The following ADH7 variants were observed in gnomAD, a reference collection of about 807,000 sequenced individuals.
The protein encoded by ADH7 is alcohol dehydrogenase 7 (class IV), mu or sigma polypeptide.
ADH7 carries 41 observed loss-of-function variants against 34.4 expected under a neutral mutation model. The ratio of observed to expected loss-of-function variants is 1.19; its 90% CI spans 0.93 to 1.55. The LOEUF (loss-of-function observed/expected upper bound fraction) is 1.55. Among genes scored for constraint, ADH7 ranks in the 40% most tolerant of loss-of-function variants. The probability of loss-of-function intolerance (pLI) is 0.00; values close to 1 mark genes in which losing one functional copy is unlikely to be tolerated. For synonymous variants in ADH7, 180 were observed against 160.9 expected (o/e 1.12, Z -0.90); for missense variants, 540 against 461.2 (o/e 1.17, Z -1.56).
chr4:99,414,429 T>C (rs284785), intron 8 of ADH7, among the ~76,000 whole-genome samples: 53,696 of 151,986 alleles, frequency 0.35, 10,314 homozygotes, highest in East Asian at 0.59. Flanking sequence ...ATAGGCCCAA[T>C]GAGTGAAAGT....
At chr4:99,425,625 C>T (rs1287593723) in intron 5 of ADH7, among the ~76,000 whole-genome samples, 1 of 150,836 alleles carries the variant, frequency 6.6e-6, no homozygotes, top group Non-Finnish European at 1.5e-5. Flanking sequence ...ACTTTAACAC[C>T]CCACTGTCAA....
chr4:99,421,075 C>G (rs1721647681), intron 5 of ADH7, among the ~76,000 whole-genome samples: 2 of 152,034 alleles, frequency 1.3e-5, no homozygotes. Context: ...CCATACTGCC[C>G]AAAGTAATTT....
chr4:99,422,635 A>C (rs1472106288), intron 5 of ADH7, among the ~76,000 whole-genome samples: 1 of 152,172 alleles, frequency 6.6e-6, no homozygotes, highest in Non-Finnish European at 1.5e-5. Flanking sequence ...AGAAGAAATA[A>C]AAAATCATAA....
chr4:99,434,090 T>C (rs189732618), intron 1 of ADH7, among the ~76,000 whole-genome samples: 17 of 152,250 alleles, frequency 1.1e-4, no homozygotes, highest in African/African-American at 3.8e-4. Flanking sequence ...GTATTATTAA[T>C]TGGAAAGTGC....
chr4:99,417,621 A>C (rs1020486284), intron 7 of ADH7, among the ~76,000 whole-genome samples: 11 of 152,120 alleles, frequency 7.2e-5, no homozygotes, highest in African/African-American at 1.4e-4. Flanking sequence ...CAGTCTCTCT[A>C]TACCAAAGTG....
In ADH7 at chr4:99,428,127, C is replaced by A. The variant is rs146573239; in HGVS notation, c.307G>T (p.Ala103Ser). ...AGGTTGCCATCTGGGTTGCGACAAG[C>A]ATTGCATTCTCTACATTGTGGCAGA... ...LFLPQCRECNACRNPDGNLCI... is the reference protein window; with the variant it reads ...LFLPQCRECNSCRNPDGNLCI... The change falls in exon 4 of 9, where the codon GCT becomes TCT. Residue 103 changes from alanine to serine, a missense_variant. Transcript: ENST00000437033. 3.1e-4 allele frequency: 508 copies of A among 1,613,884 alleles called. No individual in the cohort carries two copies. Among genetic ancestry groups the A allele is most frequent in the Non-Finnish European group, 3.9e-4 (460 of 1,179,928 alleles).
rs747703203 is a variant in ADH7 at position 99,415,382 on chromosome 4, A to C, written c.1100+96T>G. ...ATCAATCTGGCTAGATTAAATAATTAGAAATAAAATATGAAGAAAACAGGC... is the reference window on the plus strand; with the variant it reads ...ATCAATCTGGCTAGATTAAATAATTCGAAATAAAATATGAAGAAAACAGGC... On this transcript the variant is annotated intron_variant, in intron 8 of 8. Coordinates refer to ENST00000437033, the MANE Select transcript of ADH7 (RefSeq NM_000673.7). 5 of 1,277,980 alleles carry C rather than the reference A, an allele frequency of 3.9e-6. No homozygotes were observed. In the African/African-American group the frequency reaches 7.5e-5, roughly 19 times the overall value. 79.2% of individuals were successfully genotyped at this position (1,277,980 alleles called of 1,614,324 possible). A position where few individuals can be genotyped will look rare whatever the true frequency, so the allele number is the denominator to read the frequency against.
chr4:99,421,576 A>G (rs1296541338), intron 5 of ADH7, among the ~76,000 whole-genome samples: 1 of 152,236 alleles, frequency 6.6e-6, no homozygotes, highest in Non-Finnish European at 1.5e-5. Flanking sequence ...AATACCATTC[A>G]GAACTTAGAC....
chr4:99,422,837 TA>T (rs1721698372), intron 5 of ADH7, among the ~76,000 whole-genome samples: 1 of 136,864 alleles, frequency 7.3e-6, no homozygotes, highest in South Asian at 2.3e-4. Context: ...AGACCTATTT[TA>T]TTTTTTTTTC....
intron 6 of ADH7, 71 bp from the exon 7 acceptor site, chr4:99,419,192 C>T (rs952465334): frequency 2.7e-6 from 4 of 1,482,374 alleles, no homozygotes; most frequent in Non-Finnish European, 3.6e-6. Context: ...CTGAAATGAC[C>T]TATGTACTAT....
At chr4:99,426,577 C>T (rs1001383088) in intron 5 of ADH7, among the ~76,000 whole-genome samples, 6 of 152,102 alleles carry the variant, frequency 3.9e-5, no homozygotes, top group African/African-American at 1.4e-4. Flanking sequence ...AATAGCTTAC[C>T]AACCAAAAAG....
chr4:99,432,854 A>C (rs1154467), intron 1 of ADH7: 1 of 151,560 alleles, frequency 6.6e-6, no homozygotes, highest in African/African-American at 2.4e-5. Context: ...AAAAAAAAAA[A>C]TTTTTTTAAG....
chr4:99,423,344 G>T (rs890758357), intron 5 of ADH7, among the ~76,000 whole-genome samples: 16 of 151,460 alleles, frequency 1.1e-4, no homozygotes, highest in African/African-American at 3.9e-4. Flanking sequence ...ACATACGTGT[G>T]CATGTGTCTT....
rs1208389103 is a variant in ADH7, at chr4:99,420,678, T to C, written c.680A>G (p.Asp227Gly). The change falls in exon 6 of 9, where the codon GAC becomes GGC. Residue 227 changes from aspartate (D) to glycine (G), a missense_variant. Coordinates refer to ENST00000437033, the MANE Select transcript of ADH7 (RefSeq NM_000673.7). The stretch of plus-strand genomic sequence containing the variant: ...TACAGCCATGGCCTTCTCAAATTTG[T>C]CTTTGTTGAGGTCAATCCCAATGAT... ...SRIIGIDLNKDKFEKAMAVGA... is the reference protein window; with the variant it reads ...SRIIGIDLNKGKFEKAMAVGA... The C allele has an allele frequency of 6.2e-7, 1 of 1,613,880 alleles. No homozygotes were observed. The highest frequency in any genetic ancestry group is 1.7e-5 in the Admixed American group (1 of 59,954).
intron 5 of ADH7, among the ~76,000 whole-genome samples, chr4:99,421,183 A>G (rs1363669076): frequency 1.3e-5 from 2 of 152,154 alleles, no homozygotes; most frequent in African/African-American, 2.4e-5. Flanking sequence ...AAAAGAGCCC[A>G]TATAGCCAAG....
At position 99,432,071 on chromosome 4, in the gene ADH7, G is replaced by C. The variant is rs538043480; in HGVS notation, c.19-2438C>G. Among the ~76,000 whole-genome samples the C allele has an allele frequency of 3.3e-5, 5 of 151,982 alleles. No homozygotes were observed. In the South Asian group the frequency reaches 8.3e-4, roughly 25 times the overall value. ...GCAAAGACATGGAATCAACCTAAGC[G>C]CCCATTAATGCTAGACTAGATAAAG... On this transcript the variant is annotated intron_variant, in intron 1 of 8. Coordinates refer to ENST00000437033, the MANE Select transcript of ADH7 (RefSeq NM_000673.7).
chr4:99,423,499 G>A (rs1186989301), intron 5 of ADH7, among the ~76,000 whole-genome samples: 1 of 151,446 alleles, frequency 6.6e-6, no homozygotes, highest in Non-Finnish European at 1.5e-5. Context: ...CACCAACAGT[G>A]TAAAAGTGTT....
At chr4:99,422,645 ACT>A (rs1721693793) in intron 5 of ADH7, among the ~76,000 whole-genome samples, 1 of 152,138 alleles carries the variant, frequency 6.6e-6, no homozygotes, top group South Asian at 2.1e-4. Context: ...AAAAATCATA[ACT>A]CTGAGTCATT....
intron 1 of ADH7, 171 bp downstream of exon 1, chr4:99,435,037 ACTGACATT>A: frequency 1.3e-6 from 2 of 1,542,356 alleles, no homozygotes; most frequent in Non-Finnish European, 1.7e-6. Context: ...CCCTGCTTCC[ACTGACATT>A]CTCTGAAACA....
Sources: gnomAD v4.1 joint callset for allele counts (sites outside exome capture counted in the v4.1 genomes callset) on GRCh38, gnomAD v4.1.1 for gene constraint, MANE v1.5 for transcripts, NCBI Gene and HGNC (gene_info 2026-07-23, HGNC 2026-07-21) for gene names.